Variants in ROBO2 observed in about 807,000 individuals in gnomAD.
The protein encoded by ROBO2 is roundabout homolog 2.
ROBO2 carries 53 observed loss-of-function variants against 160.8 expected under a neutral mutation model. The ratio of observed to expected loss-of-function variants is 0.33; its 90% CI spans 0.26 to 0.41. The LOEUF is 0.41. Among genes scored for constraint, ROBO2 ranks in the 10% least tolerant of loss-of-function variants. ROBO2 has a pLI of 1.00. For missense variants in ROBO2, 1,577 were observed against 1,722.4 expected (o/e 0.92, Z 1.49); for synonymous variants, 664 against 611.7 (o/e 1.09, Z -1.26).
chr3:76,745,792 AATTT>A (rs1373298835), intron 2 of ROBO2, among the ~76,000 whole-genome samples: 4 of 130,406 alleles, frequency 3.1e-5, no homozygotes, highest in Non-Finnish European at 6.4e-5. Flanking sequence ...TTTTTTAAAA[AATTT>A]ATTTTTATTT....
intron 2 of ROBO2, among the ~76,000 whole-genome samples, chr3:76,586,659 CAT>C (rs2086058923): frequency 6.6e-6 from 1 of 152,220 alleles, no homozygotes; most frequent in Admixed American, 6.5e-5. Context: ...TCAGTGATCA[CAT>C]GTGGCTAGTA....
At chr3:77,343,175 CA>C (rs1172544452) in intron 2 of ROBO2, among the ~76,000 whole-genome samples, 1 of 152,032 alleles carries the variant, frequency 6.6e-6, no homozygotes, top group Non-Finnish European at 1.5e-5. Context: ...AGATCCTATA[CA>C]GTCACATTGG....
At chr3:76,545,569 A>G (rs1011312330) in intron 2 of ROBO2, among the ~76,000 whole-genome samples, 1 of 151,998 alleles carries the variant, frequency 6.6e-6, no homozygotes, top group Admixed American at 6.6e-5. Context: ...AACATTGTTA[A>G]TTTTTTATGT....
intron 2 of ROBO2, among the ~76,000 whole-genome samples, chr3:76,591,852 C>T (rs758639092): frequency 7.2e-5 from 11 of 151,894 alleles, no homozygotes; most frequent in Non-Finnish European, 1.3e-4. Flanking sequence ...TGTGAAAGTG[C>T]TCTGGAAATT....
rs144732896 is a variant in ROBO2 at position 76,566,268 on chromosome 3, T to C, written c.110-531746T>C. On this transcript the variant is annotated intron_variant, in intron 2 of 26. Transcript: ENST00000487694. ...AGGAGTACCTGTTATTTGCTCAATG[T>C]TGAAGCTGAATAAACAGAGGGTTTC... Among the ~76,000 whole-genome samples the C allele has an allele frequency of 1.7e-3, 258 of 152,284 alleles. 1 individual carries two copies. The highest frequency in any genetic ancestry group is 6.0e-3 in the African/African-American group (250 of 41,552).
chr3:77,613,379 A>G (rs1188672575), intron 21 of ROBO2, among the ~76,000 whole-genome samples: 1 of 152,168 alleles, frequency 6.6e-6, no homozygotes, highest in Non-Finnish European at 1.5e-5. Context: ...TTTCCAAGGT[A>G]TGATATCCTT....
intron 2 of ROBO2, among the ~76,000 whole-genome samples, chr3:77,178,360 T>A (rs2080359397): frequency 1.3e-5 from 2 of 152,204 alleles, no homozygotes; most frequent in African/African-American, 4.8e-5. Context: ...CATTTAGAAC[T>A]TTTTGTTGAT....
Position 76,134,569 on chromosome 3 carries a change from T to TA in ROBO2, c.109+196973dup, listed in dbSNP as rs34854803. ...ATCAGAGAATCTCTCTCCTGCCTAA[T>TA]AAAAAAGCAGCCTTGAGGTTTTCAC... On this transcript the variant is annotated intron_variant, in intron 2 of 26. Transcript: ENST00000487694. Among the ~76,000 whole-genome samples the TA allele has an allele frequency of 2.8e-3, 423 of 152,178 alleles. 2 individuals are homozygous for TA. The highest frequency in any genetic ancestry group is 5.0e-3 in the Non-Finnish European group (341 of 68,004).
At chr3:76,137,612 CTTT>C (rs1370595808) in intron 2 of ROBO2, among the ~76,000 whole-genome samples, 1 of 144,816 alleles carries the variant, frequency 6.9e-6, no homozygotes. Context: ...ATCAACTGCA[CTTT>C]TTTTTTTTTC....
intron 2 of ROBO2, among the ~76,000 whole-genome samples, chr3:76,802,568 A>C (rs944526079): frequency 1.3e-5 from 2 of 152,156 alleles, no homozygotes; most frequent in African/African-American, 2.4e-5. Context: ...CTCTACTAAA[A>C]ATACAGAAAA....
At chr3:77,170,718 C>G (rs1383390569) in intron 2 of ROBO2, among the ~76,000 whole-genome samples, 2 of 152,048 alleles carry the variant, frequency 1.3e-5, no homozygotes, top group Admixed American at 6.6e-5. Context: ...TGTAAAACTT[C>G]AGCAAGTCTA....
intron 2 of ROBO2, among the ~76,000 whole-genome samples, chr3:77,311,217 TGTTTCTG>T (rs1293973074): frequency 2.0e-5 from 3 of 152,218 alleles, no homozygotes; most frequent in Non-Finnish European, 4.4e-5. Flanking sequence ...TTTATAGCTT[TGTTTCTG>T]GTTTTTGCTA....
At chr3:76,690,599 C>T (rs1057295317) in intron 2 of ROBO2, among the ~76,000 whole-genome samples, 2 of 151,996 alleles carry the variant, frequency 1.3e-5, no homozygotes, top group Admixed American at 6.6e-5. Context: ...TATTTTGTTA[C>T]AGCAACACAG....
intron 2 of ROBO2, among the ~76,000 whole-genome samples, chr3:76,892,303 A>T (rs2074409540): frequency 6.6e-6 from 1 of 152,154 alleles, no homozygotes; most frequent in Non-Finnish European, 1.5e-5. Flanking sequence ...CTCTGTCTTA[A>T]ATCTCTGATT....
intron 2 of ROBO2, among the ~76,000 whole-genome samples, chr3:76,831,492 G>T (rs2067091204): frequency 6.6e-6 from 1 of 152,086 alleles, no homozygotes. Flanking sequence ...TACTTAAAGT[G>T]TGTCTTCTAA....
chr3:76,521,694 C>G (rs2107894572), intron 2 of ROBO2, among the ~76,000 whole-genome samples: 1 of 152,232 alleles, frequency 6.6e-6, no homozygotes, highest in East Asian at 1.9e-4. Context: ...AAAGTAAAGG[C>G]TGGAAAACTC....
chr3:77,144,303 A>G (rs748560178), intron 2 of ROBO2, among the ~76,000 whole-genome samples: 20 of 152,208 alleles, frequency 1.3e-4, no homozygotes, highest in Non-Finnish European at 2.4e-4. Context: ...CTACCTTGCA[A>G]TCCTGCTGGG....
intron 2 of ROBO2, among the ~76,000 whole-genome samples, chr3:77,112,075 TA>T (rs995841526): frequency 1.3e-4 from 20 of 151,130 alleles, no homozygotes; most frequent in Admixed American, 1.3e-3. Context: ...TAGCCGGGTG[TA>T]GCGGTGCTCA....
intron 2 of ROBO2, among the ~76,000 whole-genome samples, chr3:76,625,891 A>C (rs1287407265): frequency 2.0e-5 from 3 of 152,098 alleles, no homozygotes; most frequent in African/African-American, 7.2e-5. Context: ...GAAGGATTCT[A>C]TTGCCTTTGG....
Sources: allele counts gnomAD v4.1 joint callset (sites outside exome capture counted in the v4.1 genomes callset), GRCh38; gene constraint gnomAD v4.1.1; transcripts MANE v1.5; gene names NCBI Gene and HGNC (gene_info 2026-07-23, HGNC 2026-07-21).